Variants in RTL9 observed in about 807,000 individuals in gnomAD.
RTL9 encodes retrotransposon Gag like 9.
In RTL9, 19 loss-of-function variants were observed where a neutral mutation model predicts 44.7. The ratio of observed to expected loss-of-function variants is 0.42; its 90% CI spans 0.30 to 0.62. RTL9 has a LOEUF of 0.62. RTL9 is among the 20% of genes least tolerant of loss of function. The pLI, the probability that RTL9 is intolerant of heterozygous loss-of-function variation, is 0.16. For missense variants in RTL9, 1,105 were observed against 1,080.6 expected (o/e 1.02, Z -0.32); for synonymous variants, 407 against 398.9 (o/e 1.02, Z -0.24).
upstream of RTL9, among the ~76,000 whole-genome samples, chrX:110,447,833 G>A (rs2068916595): frequency 9.0e-6 from 1 of 111,449 alleles, no homozygotes; most frequent in African/African-American, 3.3e-5. Flanking sequence ...TTCACCTGGA[G>A]GCTTTGCCCT....
upstream of RTL9, among the ~76,000 whole-genome samples, chrX:110,417,272 C>G (rs185679539): frequency 8.9e-5 from 10 of 112,243 alleles, no homozygotes; most frequent in East Asian, 2.8e-3. Flanking sequence ...GCAGGCCCAA[C>G]CTGCCAGCTT....
intron 1 of RTL9, among the ~76,000 whole-genome samples, chrX:110,402,571 C>T (rs1288626964): frequency 1.8e-5 from 2 of 112,338 alleles, no homozygotes; most frequent in South Asian, 3.7e-4. Flanking sequence ...TGCCTAGGGG[C>T]GAGCCCTGTG....
intron 1 of RTL9, among the ~76,000 whole-genome samples, chrX:110,383,813 C>A (rs910328167): frequency 8.9e-6 from 1 of 111,736 alleles, no homozygotes; most frequent in African/African-American, 3.3e-5. Flanking sequence ...TTTGATAGCA[C>A]CATCCTTATC....
chrX:110,394,578 A>T (rs1280287786), intron 1 of RTL9, among the ~76,000 whole-genome samples: 1 of 112,614 alleles, frequency 8.9e-6, no homozygotes, highest in African/African-American at 3.2e-5. Flanking sequence ...TAGTTTTGTT[A>T]TTCGTTGTTT....
At chrX:110,426,521 T>C (rs2068755444) in intron 1 of RTL9, 1 of 112,412 alleles carries the variant, frequency 8.9e-6, no homozygotes, top group Admixed American at 9.4e-5. Flanking sequence ...AAGCTGCATT[T>C]GCTTTGTTGG....
chrX:110,400,320 C>T (rs752763841), intron 1 of RTL9, among the ~76,000 whole-genome samples: 2 of 108,018 alleles, frequency 1.9e-5, no homozygotes, highest in Non-Finnish European at 3.8e-5. Flanking sequence ...CCTATATTCA[C>T]TTCAGTTGCC....
intron 1 of RTL9, among the ~76,000 whole-genome samples, chrX:110,423,700 T>C (rs1351633970): frequency 8.9e-6 from 1 of 112,593 alleles, no homozygotes; most frequent in Non-Finnish European, 1.9e-5. Context: ...CAAACACTTA[T>C]TCACACTCTG....
chrX:110,402,282 GT>G (rs1318873482), intron 1 of RTL9, among the ~76,000 whole-genome samples: 1 of 113,090 alleles, frequency 8.8e-6, no homozygotes, highest in Non-Finnish European at 1.9e-5. Context: ...ATAAATATTT[GT>G]TTTTTGCCTA....
upstream of RTL9, among the ~76,000 whole-genome samples, chrX:110,418,033 G>T (rs191514619): frequency 2.1e-4 from 24 of 112,686 alleles, no homozygotes; most frequent in Admixed American, 2.1e-3. Flanking sequence ...CTTGAAGGGT[G>T]AGATGGGGTT....
intron 1 of RTL9, among the ~76,000 whole-genome samples, chrX:110,396,682 A>G (rs142865046): frequency 1.8e-5 from 2 of 112,362 alleles, no homozygotes; most frequent in African/African-American, 6.5e-5. Context: ...ATGGCGACAC[A>G]CAGCTATTAA....
At chrX:110,379,138 C>T (rs1302266260) in intron 1 of RTL9, among the ~76,000 whole-genome samples, 1 of 111,935 alleles carries the variant, frequency 8.9e-6, no homozygotes, top group Non-Finnish European at 1.9e-5. Flanking sequence ...CCACCCCCAT[C>T]TGCTTTTCAG....
intron 1 of RTL9, among the ~76,000 whole-genome samples, chrX:110,423,824 G>A (rs1229323618): frequency 8.9e-6 from 1 of 112,131 alleles, no homozygotes; most frequent in Non-Finnish European, 1.9e-5. Flanking sequence ...CAGTTCTTCC[G>A]ACGTTAGGTG....
intron 1 of RTL9, among the ~76,000 whole-genome samples, chrX:110,430,458 C>T (rs756408509): frequency 1.3e-4 from 15 of 112,258 alleles, no homozygotes; most frequent in Non-Finnish European, 2.8e-4. Context: ...CTCAGACAGG[C>T]TGAATAACTT....
upstream of RTL9, among the ~76,000 whole-genome samples, chrX:110,445,697 T>G (rs886444447): frequency 1.8e-5 from 2 of 112,257 alleles, no homozygotes; most frequent in African/African-American, 3.2e-5. Flanking sequence ...GTTGACATAT[T>G]GAACCGTCTC....
At chrX:110,372,343 G>C (rs1216570866) in intron 1 of RTL9, among the ~76,000 whole-genome samples, 1 of 112,373 alleles carries the variant, frequency 8.9e-6, no homozygotes, top group African/African-American at 3.2e-5. Context: ...AAAATGAAAA[G>C]AAAAAAGTAG....
At chrX:110,428,220 A>G (rs1326385423) in intron 1 of RTL9, among the ~76,000 whole-genome samples, 3 of 111,614 alleles carry the variant, frequency 2.7e-5, no homozygotes, top group African/African-American at 9.8e-5. Context: ...ACTTCTTGGG[A>G]ATCTCAGAAT....
intron 1 of RTL9, among the ~76,000 whole-genome samples, chrX:110,365,708 T>C (rs1264025471): frequency 8.9e-6 from 1 of 111,963 alleles, no homozygotes; most frequent in Non-Finnish European, 1.9e-5. Flanking sequence ...ATTTTCCTTC[T>C]TCCAGGCAAC....
At chrX:110,454,914 C>A (rs900395557) in intron 1 of RTL9, among the ~76,000 whole-genome samples, 1 of 111,379 alleles carries the variant, frequency 9.0e-6, no homozygotes, top group African/African-American at 3.3e-5. Context: ...AGTACTAATT[C>A]TTCTCATTAT....
rs759661755 is a variant in RTL9 at position 110,451,118 on chromosome X, G to A, written c.501G>A (p.Leu167=). The change falls in exon 1 of 2, where the codon TTG becomes TTA. Residue 167 remains leucine (L), a synonymous_variant. Coordinates refer to ENST00000540313, the Ensembl canonical transcript of RTL9. Reference sequence around the variant, plus strand: ...CAGATTCTGCAGAGATATCACCATTGGCAATGCCAGCTCCATCCTCTGGAG... The same window carrying A: ...CAGATTCTGCAGAGATATCACCATTAGCAATGCCAGCTCCATCCTCTGGAG... 4 of 1,210,740 alleles carry A rather than the reference G, an allele frequency of 3.3e-6. No homozygotes were observed. In the East Asian group the frequency reaches 1.2e-4, roughly 36 times the overall value.
Sources: allele counts gnomAD v4.1 joint callset (sites outside exome capture counted in the v4.1 genomes callset), GRCh38; gene constraint gnomAD v4.1.1; transcripts MANE v1.5; gene names NCBI Gene and HGNC (gene_info 2026-07-23, HGNC 2026-07-21).